The following KIF2A variants were observed in gnomAD, a reference collection of about 807,000 sequenced individuals.
KIF2A encodes kinesin family member 2A.
In KIF2A, 22 loss-of-function variants were observed where a neutral mutation model predicts 100.2. That is an observed-to-expected ratio of 0.22 (90% CI 0.16 to 0.31). KIF2A has a LOEUF of 0.31. KIF2A is among the 10% of genes least tolerant of loss of function. The pLI, the probability that KIF2A is intolerant of heterozygous loss-of-function variation, is 1.00. For synonymous variants in KIF2A, 268 were observed against 285.9 expected, an observed-to-expected ratio of 0.94 and a Z score of 0.63; for missense variants, 495 against 898.7, an observed-to-expected ratio of 0.55 and a Z score of 5.74.
At position 62,348,083 on chromosome 5, in the gene KIF2A, C is replaced by T; in HGVS notation, c.195C>T (p.Asp65=). 6.2e-7 allele frequency: 1 copy of T among 1,613,756 alleles called. No individual in the cohort carries two copies. The highest frequency in any genetic ancestry group is 8.5e-7 in the Non-Finnish European group (1 of 1,179,726). The stretch of plus-strand genomic sequence containing the variant: ...AGAGCATCTTTTCACTTAACCCTGA[C>T]CTTGTTCCTGATGAAGAAATTGAAC... ...DLESIFSLNP[D]LVPDEEIEPS... is the part of the protein sequence containing the mutation. Residue 65 remains aspartate (D), a synonymous_variant, in exon 3 of 21, where the codon GAC becomes GAT. Coordinates refer to ENST00000407818, the MANE Select transcript of KIF2A (RefSeq NM_001098511.3).
intron 1 of KIF2A, among the ~76,000 whole-genome samples, chr5:62,341,585 A>G (rs1204804714): frequency 6.6e-6 from 1 of 152,120 alleles, no homozygotes; most frequent in African/African-American, 2.4e-5. Context: ...CACAGGTGTG[A>G]GCCACTGTGC....
At chr5:62,334,827 C>T (rs1746851862) in intron 1 of KIF2A, among the ~76,000 whole-genome samples, 1 of 152,192 alleles carries the variant, frequency 6.6e-6, no homozygotes, top group Admixed American at 6.5e-5. Context: ...GAGCTGCCCT[C>T]TCAGGCCTGC....
chr5:62,372,215 AG>A (rs1394438964), intron 16 of KIF2A, among the ~76,000 whole-genome samples: 1 of 152,242 alleles, frequency 6.6e-6, no homozygotes, highest in African/African-American at 2.4e-5. Flanking sequence ...AAAATACACC[AG>A]AAAGGAAAGA....
intron 1 of KIF2A, among the ~76,000 whole-genome samples, chr5:62,333,885 C>G (rs1315628923): frequency 6.6e-6 from 1 of 152,148 alleles, no homozygotes; most frequent in Non-Finnish European, 1.5e-5. Context: ...TCCCAGCATC[C>G]TGCCCAGCCA....
intron 16 of KIF2A, among the ~76,000 whole-genome samples, chr5:62,366,888 A>G (rs951377051): frequency 5.3e-5 from 8 of 152,108 alleles, no homozygotes; most frequent in Non-Finnish European, 1.0e-4. Flanking sequence ...TGTTCTTTCA[A>G]TTTTCAAGAA....
At chr5:62,347,377 G>A (rs1234941509) in intron 2 of KIF2A, among the ~76,000 whole-genome samples, 153 bp downstream of exon 2, 1 of 152,074 alleles carries the variant, frequency 6.6e-6, no homozygotes, top group African/African-American at 2.4e-5. Context: ...TTCACTTAAA[G>A]GTAGATTCCT....
Position 62,391,014 on chromosome 5 carries a change from ACATAT to A in KIF2A, c.*5447_*5451del. 2 of 1,577,804 alleles carry A rather than the reference ACATAT, an allele frequency of 1.3e-6. No homozygotes were observed. Among genetic ancestry groups the A allele is most frequent in the Non-Finnish European group, 1.7e-6 (2 of 1,147,128 alleles). On this transcript the variant is annotated 3_prime_UTR_variant, in exon 21 of 21. Transcript: ENST00000407818. Reference sequence around the variant, plus strand: ...ATATAAGATTCAGAATAAATGAACGACATATCTTTAATGAGGTCACCTTGACTCTT... The same window carrying A: ...ATATAAGATTCAGAATAAATGAACGACTTTAATGAGGTCACCTTGACTCTT...
At chr5:62,359,641 A>G (rs905295889) in intron 9 of KIF2A, among the ~76,000 whole-genome samples, 2 of 152,120 alleles carry the variant, frequency 1.3e-5, no homozygotes, top group Admixed American at 6.5e-5. Context: ...TTTGACTTTT[A>G]TAATAGTTTT....
intron 12 of KIF2A, among the ~76,000 whole-genome samples, chr5:62,362,921 A>G (rs1012123869): frequency 5.9e-5 from 9 of 152,116 alleles, no homozygotes; most frequent in African/African-American, 2.2e-4. Context: ...CAATCTCCTG[A>G]GCTCAAGTGA....
At chr5:62,325,908 G>T (rs1373934050) in intron 1 of KIF2A, among the ~76,000 whole-genome samples, 1 of 152,152 alleles carries the variant, frequency 6.6e-6, no homozygotes, top group Non-Finnish European at 1.5e-5. Context: ...GTGGTGAACT[G>T]GTTAAGCTGG....
rs1193467905 is a variant in KIF2A at position 62,359,703 on chromosome 5, CATT to C, written c.872+1405_872+1407del. On this transcript the variant is annotated intron_variant, in intron 9 of 20. Transcript: ENST00000407818. ...GTTTCTGTGTGTATGATTTAGTAAACATTGTGTTTTTACCCTATGTTTATGTTT... is the reference window on the plus strand; with the variant it reads ...GTTTCTGTGTGTATGATTTAGTAAACGTGTTTTTACCCTATGTTTATGTTT... Among the ~76,000 whole-genome samples the C allele has an allele frequency of 5.9e-5, 9 of 152,146 alleles. No homozygotes were observed. The East Asian group carries it at 1.7e-3, about 29-fold the overall frequency.
intron 18 of KIF2A, among the ~76,000 whole-genome samples, chr5:62,376,411 T>G (rs1329001701): frequency 1.2e-5 from 1 of 86,676 alleles, no homozygotes; most frequent in African/African-American, 4.5e-5. Flanking sequence ...GTTTTTTTTG[T>G]TTGTTTGTTT....
At chr5:62,368,548 G>A (rs574382181) in intron 16 of KIF2A, among the ~76,000 whole-genome samples, 10 of 152,082 alleles carry the variant, frequency 6.6e-5, no homozygotes, top group Admixed American at 2.6e-4. Context: ...TGGCCCAGGC[G>A]GGTGGATTGC....
intron 7 of KIF2A, among the ~76,000 whole-genome samples, chr5:62,355,751 T>C (rs996916029): frequency 1.5e-4 from 23 of 151,938 alleles, no homozygotes; most frequent in African/African-American, 5.3e-4. Flanking sequence ...CTGTTATTAC[T>C]CAACTCCTTT....
chr5:62,352,630 A>G lies in KIF2A; in HGVS notation c.377A>G (p.Gln126Arg). The G allele has an allele frequency of 6.2e-7, 1 of 1,603,480 alleles. No homozygotes were observed. Among genetic ancestry groups the G allele is most frequent in the Non-Finnish European group, 8.5e-7 (1 of 1,174,392 alleles). ...GCACGGCCCAGTCAATTTCCTGAACAGTCTTCCTCTGCACAACAGAATGGT... is the reference window on the plus strand; with the variant it reads ...GCACGGCCCAGTCAATTTCCTGAACGGTCTTCCTCTGCACAACAGAATGGT... ...ARARPSQFPE[Q>R]SSSAQQNGSV... Residue 126 changes from glutamine to arginine, a missense_variant, in exon 5 of 21, where the codon CAG becomes CGG. Physicochemically the swap from Gln to Arg is conservative, Grantham distance 43. Transcript: ENST00000407818.
chr5:62,371,235 T>TA (rs1741311341), intron 16 of KIF2A, among the ~76,000 whole-genome samples: 1 of 152,064 alleles, frequency 6.6e-6, no homozygotes, highest in Non-Finnish European at 1.5e-5. Context: ...GCCTGGGTGA[T>TA]ATGGTGAGAC....
At position 62,389,116 on chromosome 5, in the gene KIF2A, AGTTC is replaced by A; in HGVS notation, c.*3548_*3551del. 9.4e-6 allele frequency: 13 copies of A among 1,378,536 alleles called. No individual in the cohort carries two copies. The highest frequency in any genetic ancestry group is 1.2e-5 in the Non-Finnish European group (12 of 984,680). 85.4% of individuals were successfully genotyped at this position (1,378,536 alleles called of 1,614,324 possible). On this transcript the variant is annotated 3_prime_UTR_variant, in exon 21 of 21. Coordinates refer to ENST00000407818, the MANE Select transcript of KIF2A (RefSeq NM_001098511.3). The stretch of plus-strand genomic sequence containing the variant: ...TAATTTGTAGCACATAACGGTATAT[AGTTC>A]TATACCATTAATACTAAAACATGAA...
intron 1 of KIF2A, among the ~76,000 whole-genome samples, chr5:62,329,503 G>A (rs995549167): frequency 1.3e-5 from 2 of 152,170 alleles, no homozygotes; most frequent in Non-Finnish European, 2.9e-5. Flanking sequence ...AAATCAAATT[G>A]CTTTCTGTCC....
intron 4 of KIF2A, among the ~76,000 whole-genome samples, chr5:62,352,139 C>G (rs980845319): frequency 3.0e-5 from 4 of 134,840 alleles, no homozygotes; most frequent in South Asian, 4.5e-4. Context: ...GGCAACAGAG[C>G]GAGACTTCAT....
Sources: gnomAD v4.1 joint callset for allele counts (sites outside exome capture counted in the v4.1 genomes callset) on GRCh38, gnomAD v4.1.1 for gene constraint, MANE v1.5 for transcripts, NCBI Gene and HGNC (gene_info 2026-07-23, HGNC 2026-07-21) for gene names.